Variants in ADGRB3 observed in about 807,000 individuals in gnomAD.
The protein encoded by ADGRB3 is brain-specific angiogenesis inhibitor 3.
ADGRB3 carries 37 observed loss-of-function variants against 193.4 expected under a neutral mutation model. The observed-to-expected ratio is 0.19, with a 90% confidence interval of 0.15 to 0.25. The LOEUF (loss-of-function observed/expected upper bound fraction) is 0.25. ADGRB3 is among the 10% of genes least tolerant of loss of function. The pLI is 1.00. For missense variants in ADGRB3, 1,637 were observed against 1,852.9 expected, an observed-to-expected ratio of 0.88 and a Z score of 2.14; for synonymous variants, 690 against 644.2, an observed-to-expected ratio of 1.07 and a Z score of -1.08.
chr6:69,333,137 T>C (rs1768763028), intron 24 of ADGRB3, 129 bp downstream of exon 24: 3 of 1,033,908 alleles, frequency 2.9e-6, no homozygotes, highest in South Asian at 1.8e-5. Flanking sequence ...GTCCAGTAGA[T>C]TCTGCTATAT....
At chr6:68,941,235 T>A (rs1366907721) in intron 5 of ADGRB3, among the ~76,000 whole-genome samples, 2 of 152,182 alleles carry the variant, frequency 1.3e-5, no homozygotes, top group Non-Finnish European at 2.9e-5. Flanking sequence ...TCTTTAACAT[T>A]GGTCTTATGA....
chr6:68,689,373 C>T (rs1416770539), intron 3 of ADGRB3, among the ~76,000 whole-genome samples: 1 of 151,994 alleles, frequency 6.6e-6, no homozygotes, highest in Non-Finnish European at 1.5e-5. Context: ...GAGCTAGGGG[C>T]CAAGGAACTT....
intron 3 of ADGRB3, among the ~76,000 whole-genome samples, chr6:68,910,268 G>C (rs1766663557): frequency 6.6e-6 from 1 of 152,052 alleles, no homozygotes; most frequent in Non-Finnish European, 1.5e-5. Flanking sequence ...TTTTTTTCTT[G>C]TTAATTTGTT....
intron 17 of ADGRB3, among the ~76,000 whole-genome samples, chr6:69,214,578 C>A (rs115538485): frequency 2.3e-3 from 350 of 151,994 alleles, no homozygotes; most frequent in African/African-American, 8.0e-3. Flanking sequence ...AAGACTAGAT[C>A]CCCCAAATCT....
In ADGRB3 at chr6:68,638,926, C is replaced by T. The variant is rs768222706; in HGVS notation, c.251C>T (p.Ser84Leu). 8 of 1,614,166 alleles carry T rather than the reference C, an allele frequency of 5.0e-6. No homozygotes were observed. The highest frequency in any genetic ancestry group is 6.8e-6 in the Non-Finnish European group (8 of 1,180,026). Residue 84 changes from serine to leucine, a missense_variant, in exon 3 of 32, where the codon TCA (serine) becomes TTA (leucine). Physicochemically the swap from Ser to Leu is moderately radical, Grantham distance 145. Coordinates refer to ENST00000370598, the MANE Select transcript of ADGRB3 (RefSeq NM_001704.3). The stretch of plus-strand genomic sequence containing the variant: ...AAGGACCTTAGCTGCTCTAACTTTT[C>T]ACTCCTGGCTTATCAGTTTGATCAT... The part of the protein sequence containing the change: ...SKKDLSCSNF[S>L]LLAYQFDHFS...
At chr6:69,057,000 A>G (rs1582427816) in intron 15 of ADGRB3, among the ~76,000 whole-genome samples, 1 of 152,228 alleles carries the variant, frequency 6.6e-6, no homozygotes. Flanking sequence ...GGTAATATGG[A>G]CATTTTAACC....
chr6:69,276,948 T>C (rs1767314916), intron 20 of ADGRB3, among the ~76,000 whole-genome samples: 1 of 151,954 alleles, frequency 6.6e-6, no homozygotes, highest in African/African-American at 2.4e-5. Context: ...CTCCATAAAA[T>C]GGTTTTTAAA....
chr6:69,021,925 A>T (rs1306369333), intron 13 of ADGRB3, among the ~76,000 whole-genome samples: 1 of 151,894 alleles, frequency 6.6e-6, no homozygotes, highest in Non-Finnish European at 1.5e-5. Flanking sequence ...CATAGCTTTG[A>T]TCTTTTTCTT....
At chr6:68,820,045 C>T (rs115471404) in intron 3 of ADGRB3, among the ~76,000 whole-genome samples, 142 of 152,036 alleles carry the variant, frequency 9.3e-4, no homozygotes, top group African/African-American at 2.5e-3. Flanking sequence ...GTATTTTTTC[C>T]TCAAAGTAGC....
At chr6:69,153,864 G>C (rs1359514401) in intron 17 of ADGRB3, among the ~76,000 whole-genome samples, 2 of 152,050 alleles carry the variant, frequency 1.3e-5, no homozygotes, top group African/African-American at 4.8e-5. Flanking sequence ...ATGGTGGCAT[G>C]TGCCTGTAGT....
At chr6:69,302,303 C>T (rs918881838) in intron 20 of ADGRB3, among the ~76,000 whole-genome samples, 3 of 151,898 alleles carry the variant, frequency 2.0e-5, no homozygotes, top group African/African-American at 7.2e-5. Flanking sequence ...CTGCTAATTT[C>T]CTAACTTTGA....
intron 3 of ADGRB3, among the ~76,000 whole-genome samples, chr6:68,674,335 G>A (rs1183960417): frequency 1.3e-5 from 2 of 152,056 alleles, no homozygotes; most frequent in East Asian, 3.9e-4. Context: ...ATGAAACATT[G>A]TAAGACAATA....
chr6:69,330,247 G>T (rs1030897102), intron 22 of ADGRB3, among the ~76,000 whole-genome samples: 1 of 152,144 alleles, frequency 6.6e-6, no homozygotes, highest in Non-Finnish European at 1.5e-5. Context: ...ATAGTAATTT[G>T]TCTAAAATGT....
chr6:68,971,229 T>C (rs1407821012), intron 8 of ADGRB3, among the ~76,000 whole-genome samples: 1 of 152,232 alleles, frequency 6.6e-6, no homozygotes, highest in Admixed American at 6.5e-5. Flanking sequence ...CTAGTCATTA[T>C]TTCCTAAACA....
chr6:69,344,109 C>T (rs1769035498), intron 26 of ADGRB3, among the ~76,000 whole-genome samples: 1 of 152,110 alleles, frequency 6.6e-6, no homozygotes, highest in South Asian at 2.1e-4. Flanking sequence ...GGGGGAAAAT[C>T]ACAAGATCGT....
chr6:68,711,168 A>T (rs961042284), intron 3 of ADGRB3, among the ~76,000 whole-genome samples: 4 of 152,040 alleles, frequency 2.6e-5, no homozygotes, highest in African/African-American at 9.7e-5. Flanking sequence ...ATCTTTCCAG[A>T]TCTCGGATTC....
chr6:69,279,069 ATG>A (rs1229976217), intron 20 of ADGRB3, among the ~76,000 whole-genome samples: 1 of 57,032 alleles, frequency 1.8e-5, no homozygotes, highest in Non-Finnish European at 3.2e-5. Flanking sequence ...TTAAATACAT[ATG>A]TATATATATA....
At chr6:68,799,568 TA>T (rs560207304) in intron 3 of ADGRB3, among the ~76,000 whole-genome samples, 216 of 151,990 alleles carry the variant, frequency 1.4e-3, no homozygotes, top group Admixed American at 2.7e-3. Flanking sequence ...CTACAAAACA[TA>T]AAAAAAAGTT....
intron 3 of ADGRB3, among the ~76,000 whole-genome samples, chr6:68,922,663 G>T (rs375114015): frequency 2.0e-5 from 3 of 152,096 alleles, no homozygotes; most frequent in Admixed American, 6.6e-5. Context: ...TCATGTTCCC[G>T]GTATCTCCTT....
Sources: allele counts gnomAD v4.1 joint callset (sites outside exome capture counted in the v4.1 genomes callset), GRCh38; gene constraint gnomAD v4.1.1; transcripts MANE v1.5; gene names NCBI Gene and HGNC (gene_info 2026-07-23, HGNC 2026-07-21).